IKZF2: variants seen among roughly 807,000 people sequenced by gnomAD.
IKZF2 encodes the protein IKAROS family zinc finger 2.
In IKZF2, 15 loss-of-function variants were observed where a neutral mutation model predicts 49.2. That is an observed-to-expected ratio of 0.30 (90% CI 0.20 to 0.47). The LOEUF is 0.47. IKZF2 is among the 20% of genes least tolerant of loss of function. The pLI is 1.00. For missense variants in IKZF2, 567 were observed against 664.6 expected (o/e 0.85, Z 1.61); for synonymous variants, 227 against 221.4 (o/e 1.03, Z -0.23).
intron 6 of IKZF2, among the ~76,000 whole-genome samples, chr2:213,024,624 A>T (rs1238644276): frequency 6.6e-6 from 1 of 152,106 alleles, no homozygotes; most frequent in Non-Finnish European, 1.5e-5. Flanking sequence ...TTGGGGAGTG[A>T]GGGTGGAAAG....
At chr2:213,041,433 G>A (rs960021774) in intron 6 of IKZF2, among the ~76,000 whole-genome samples, 8 of 151,942 alleles carry the variant, frequency 5.3e-5, no homozygotes. Context: ...CTCCCGAGTA[G>A]CTGGGACTAC....
chr2:213,030,812 CTTT>C (rs918257825), intron 6 of IKZF2, among the ~76,000 whole-genome samples: 1 of 133,686 alleles, frequency 7.5e-6, no homozygotes, highest in Admixed American at 7.6e-5. Context: ...TACTATTTTT[CTTT>C]TTTTTTTTTT....
At chr2:213,123,274 T>A (rs1181984991) in intron 4 of IKZF2, among the ~76,000 whole-genome samples, 1 of 152,222 alleles carries the variant, frequency 6.6e-6, no homozygotes, top group Non-Finnish European at 1.5e-5. Flanking sequence ...TTGTAACATC[T>A]CCCTATAGCC....
intron 4 of IKZF2, among the ~76,000 whole-genome samples, chr2:213,083,391 T>A (rs1372851793): frequency 1.4e-5 from 2 of 140,152 alleles, no homozygotes; most frequent in Non-Finnish European, 3.1e-5. Context: ...AACCTTTTTT[T>A]TTTTTTTTTT....
At position 213,000,336 on chromosome 2, in the gene IKZF2, G is replaced by T. The variant is rs1189558609; in HGVS notation, c.*7024C>A. On this transcript the variant is annotated 3_prime_UTR_variant, in exon 9 of 9. Transcript: ENST00000434687. ...AGTTTGAAAAAAAATGAGGTTTACT[G>T]GTTTGACCTATTTTTTTTTCTTTTT... is the stretch of plus-strand genomic sequence containing the variant. 3 of 147,746 alleles carry T rather than the reference G, an allele frequency of 2.0e-5. No homozygotes were observed. Among genetic ancestry groups the T allele is most frequent in the African/African-American group, 7.4e-5 (3 of 40,462 alleles). The allele number at this position is 147,746 out of a possible 1,614,324, so 9.2% of individuals were successfully genotyped here. A position where few individuals can be genotyped will look rare whatever the true frequency, so the allele number is the denominator to read the frequency against.
At chr2:213,053,255 G>T (rs1700843001) in intron 5 of IKZF2, among the ~76,000 whole-genome samples, 3 of 152,100 alleles carry the variant, frequency 2.0e-5, no homozygotes, top group Non-Finnish European at 4.4e-5. Context: ...ATGGTCATGT[G>T]TCCTTCATGT....
At chr2:213,025,186 G>A (rs1224562662) in intron 6 of IKZF2, among the ~76,000 whole-genome samples, 1 of 151,950 alleles carries the variant, frequency 6.6e-6, no homozygotes, top group African/African-American at 2.4e-5. Flanking sequence ...TCCTACATTC[G>A]CCCTCACTGC....
chr2:213,067,234 T>C (rs892358842), intron 4 of IKZF2, among the ~76,000 whole-genome samples: 5 of 152,088 alleles, frequency 3.3e-5, no homozygotes, highest in African/African-American at 1.2e-4. Context: ...TTAATATATC[T>C]ATGTGAAAGC....
In IKZF2 at chr2:213,057,113, A is replaced by G. The variant is rs771728338; in HGVS notation, c.140-14T>C. On this transcript the variant is annotated splice_polypyrimidine_tract_variant and intron_variant, in intron 4 of 8. Transcript: ENST00000434687. ...TTACTGAATTTGCTGTAATTTGAAA[A>G]GAAGAAAATAAATTTTAAATACATG... 7 of 1,605,430 alleles carry G rather than the reference A, an allele frequency of 4.4e-6. No homozygotes were observed. In the South Asian group the frequency reaches 6.7e-5, roughly 15 times the overall value.
intron 4 of IKZF2, among the ~76,000 whole-genome samples, chr2:213,139,007 T>C (rs2060776070): frequency 6.6e-6 from 1 of 152,008 alleles, no homozygotes; most frequent in Non-Finnish European, 1.5e-5. Context: ...TGAATGGAAG[T>C]TCGAATTTAT....
intron 4 of IKZF2, among the ~76,000 whole-genome samples, chr2:213,059,210 G>A (rs928205926): frequency 6.6e-6 from 1 of 151,518 alleles, no homozygotes; most frequent in Non-Finnish European, 1.5e-5. Flanking sequence ...TTTCTATCAG[G>A]TTGTCAGTCT....
rs1031913816 is a variant in IKZF2, at chr2:213,007,345, T to A, written c.*15A>T. 2.9e-5 allele frequency: 47 copies of A among 1,608,994 alleles called. 1 individual carries two copies. Among genetic ancestry groups the A allele is most frequent in the Non-Finnish European group, 3.9e-5 (46 of 1,177,616 alleles). On this transcript the variant is annotated 3_prime_UTR_variant, in exon 9 of 9. Coordinates refer to ENST00000434687, the MANE Select transcript of IKZF2 (RefSeq NM_001387220.1). ...GTTCTTTACTTCATAGGGGTCCCCT[T>A]TGGAATGAAAAGGCCTAGTGGAATG...
intron 4 of IKZF2, among the ~76,000 whole-genome samples, chr2:213,079,054 C>CT (rs900757952): frequency 1.3e-5 from 2 of 152,058 alleles, no homozygotes; most frequent in African/African-American, 4.8e-5. Context: ...CTAATTTTCT[C>CT]TTTTTTGTTG....
rs370280984 is a variant in IKZF2, at chr2:213,121,797, C to G, written c.139+25911G>C. On this transcript the variant is annotated intron_variant, in intron 4 of 8. Transcript: ENST00000434687. ...ATATCTGTTTCCATTCTGAAGAGTT[C>G]CTTCTCAGTTTGGTTAGAACAGCAC... Among the ~76,000 whole-genome samples, 36 of 152,298 alleles carry G rather than the reference C, an allele frequency of 2.4e-4. No homozygotes were observed. In the East Asian group the frequency reaches 6.0e-3, roughly 25 times the overall value.
intron 8 of IKZF2, among the ~76,000 whole-genome samples, chr2:213,009,655 A>G (rs548647945): frequency 2.0e-5 from 3 of 152,250 alleles, no homozygotes; most frequent in Admixed American, 1.3e-4. Flanking sequence ...GACAAACCTG[A>G]TCTATATTCT....
intron 4 of IKZF2, among the ~76,000 whole-genome samples, chr2:213,057,909 C>T (rs550035693): frequency 6.6e-6 from 1 of 152,168 alleles, no homozygotes; most frequent in East Asian, 1.9e-4. Context: ...TTGGATCATC[C>T]CACAGAAAAG....
At chr2:213,149,248 T>TA (rs748518136) in intron 2 of IKZF2, among the ~76,000 whole-genome samples, 1 of 152,198 alleles carries the variant, frequency 6.6e-6, no homozygotes, top group Non-Finnish European at 1.5e-5. Context: ...AATGTAACCT[T>TA]AATTTCCTGC....
At chr2:213,044,092 T>G (rs1015189127) in intron 6 of IKZF2, among the ~76,000 whole-genome samples, 5 of 152,202 alleles carry the variant, frequency 3.3e-5, no homozygotes, top group Non-Finnish European at 5.9e-5. Flanking sequence ...AGTAAGAGAC[T>G]GAAGGGTGGA....
At chr2:213,109,774 T>G (rs969762587) in intron 4 of IKZF2, among the ~76,000 whole-genome samples, 19 of 151,972 alleles carry the variant, frequency 1.3e-4, no homozygotes, top group Admixed American at 1.0e-3. Context: ...AGGTAAAATA[T>G]CTATAGAAAT....
Sources: gnomAD v4.1 joint callset for allele counts (sites outside exome capture counted in the v4.1 genomes callset) on GRCh38, gnomAD v4.1.1 for gene constraint, MANE v1.5 for transcripts, NCBI Gene and HGNC (gene_info 2026-07-23, HGNC 2026-07-21) for gene names.